Variants in SEC31A observed in about 807,000 individuals in gnomAD.
The protein encoded by SEC31A is protein transport protein Sec31A.
In SEC31A, 70 loss-of-function variants were observed where a neutral mutation model predicts 151.0. That is an observed-to-expected ratio of 0.46 (90% confidence interval 0.38 to 0.57). SEC31A has a LOEUF of 0.57. Among genes scored for constraint, SEC31A ranks in the 20% least tolerant of loss-of-function variants. The pLI is 0.00. For missense variants in SEC31A, 1,330 were observed against 1,471.2 expected (o/e 0.90, Z 1.57); for synonymous variants, 475 against 505.9 (o/e 0.94, Z 0.82).
At chr4:82,832,051 A>C (rs1328308113) in intron 22 of SEC31A, among the ~76,000 whole-genome samples, 2 of 152,212 alleles carry the variant, frequency 1.3e-5, no homozygotes, top group Non-Finnish European at 2.9e-5. Flanking sequence ...GAATTGGAAA[A>C]AACTACTTCA....
At chr4:82,874,318 T>C (rs1737447305) in intron 6 of SEC31A, among the ~76,000 whole-genome samples, 1 of 151,028 alleles carries the variant, frequency 6.6e-6, no homozygotes, top group Admixed American at 6.6e-5. Flanking sequence ...AAAAAAAAGT[T>C]GCTGCAATGT....
chr4:82,851,685 G>T, intron 18 of SEC31A, 81 bp from the exon 19 acceptor site: 1 of 1,249,376 alleles, frequency 8.0e-7, no homozygotes, highest in Non-Finnish European at 1.1e-6. Flanking sequence ...GAGTTACTAA[G>T]ATTTCTAAAA....
At chr4:82,875,670 TAGG>T in intron 5 of SEC31A, 54 bp downstream of exon 5, 1 of 947,332 alleles carries the variant, frequency 1.1e-6, no homozygotes. Flanking sequence ...TAAGTAGGTT[TAGG>T]AGAACTACTT....
In SEC31A at chr4:82,880,847, T is replaced by A. The variant is rs757908290; in HGVS notation, c.155A>T (p.Asp52Val). The A allele has an allele frequency of 6.2e-7, 1 of 1,612,930 alleles. No individual in the cohort carries two copies. Residue 52 changes from aspartate to valine, a missense_variant, in exon 3 of 27, where the codon GAT (aspartate) becomes GTT (valine). Physicochemically the swap from Asp to Val is radical, Grantham distance 152 (BLOSUM62 -3). Transcript: ENST00000395310. The part of the protein sequence containing the change: ...SLEIFELDLS[D>V]PSLDMKSCAT... ...ACAAGATTTCATATCCAAGGATGGATCAGAGAGGTCTAATTCAAATATCTC... is the reference window on the plus strand; with the variant it reads ...ACAAGATTTCATATCCAAGGATGGAACAGAGAGGTCTAATTCAAATATCTC...
intron 16 of SEC31A, 44 bp downstream of exon 16, chr4:82,856,908 T>C: frequency 6.7e-7 from 1 of 1,498,130 alleles, no homozygotes; most frequent in Non-Finnish European, 9.1e-7. Context: ...GTTTTTATAA[T>C]TAGAAAGATA....
intron 22 of SEC31A, among the ~76,000 whole-genome samples, chr4:82,839,426 C>T (rs1728236195): frequency 6.6e-6 from 1 of 152,190 alleles, no homozygotes; most frequent in Non-Finnish European, 1.5e-5. Flanking sequence ...GCTGGGATTA[C>T]AGGCATGAGC....
exon 1 of SEC31A, chr4:82,900,362 G>C (rs1372634241): frequency 5.2e-6 from 1 of 193,020 alleles, no homozygotes; most frequent in Non-Finnish European, 1.1e-5. Context: ...TCCAGTTTCA[G>C]AGACCGCACC....
At position 82,853,578 on chromosome 4, in the gene SEC31A, A is replaced by C; in HGVS notation, c.2146T>G (p.Ser716Ala). 2 of 1,578,016 alleles carry C rather than the reference A, an allele frequency of 1.3e-6. No individual in the cohort carries two copies. Among genetic ancestry groups the C allele is most frequent in the Non-Finnish European group, 1.7e-6 (2 of 1,170,440 alleles). Residue 716 changes from serine to alanine, a missense_variant, in exon 18 of 27, where the codon TCA becomes GCA. By Grantham distance (99) the Ser-to-Ala change is moderately conservative. Coordinates refer to ENST00000395310, the MANE Select transcript of SEC31A (RefSeq NM_001077207.4). Reference sequence around the variant, plus strand: ...TGTTTCAAAGATACTACCTGAAGTGACAAAGGGTGGCTTCCATCTTGAGCT... The same window carrying C: ...TGTTTCAAAGATACTACCTGAAGTGCCAAAGGGTGGCTTCCATCTTGAGCT... ...TKAQDGSHPL[S>A]LQDLIEKVVI...
At chr4:82,821,882 T>C (rs1723443800) in intron 25 of SEC31A, among the ~76,000 whole-genome samples, 1 of 152,198 alleles carries the variant, frequency 6.6e-6, no homozygotes, top group African/African-American at 2.4e-5. Context: ...CTTTCAAAAA[T>C]ACTACTTAAA....
intron 19 of SEC31A, among the ~76,000 whole-genome samples, chr4:82,849,395 A>G (rs1238066234): frequency 6.6e-6 from 1 of 152,168 alleles, no homozygotes; most frequent in Admixed American, 6.5e-5. Context: ...CAGGCAGATC[A>G]TGAGGTCAGG....
chr4:82,829,396 A>G (rs1228726870), intron 22 of SEC31A: 1 of 185,556 alleles, frequency 5.4e-6, no homozygotes, highest in East Asian at 1.3e-4. Flanking sequence ...ATGAAAATAC[A>G]AAGTCTGCTA....
chr4:82,843,621 A>C (rs148788336), intron 21 of SEC31A: 2 of 152,188 alleles, frequency 1.3e-5, no homozygotes, highest in African/African-American at 4.8e-5. Flanking sequence ...GAACAATAAC[A>C]TTCATTTTAG....
intron 3 of SEC31A, among the ~76,000 whole-genome samples, chr4:82,879,609 G>T (rs1738817687): frequency 6.6e-6 from 1 of 152,196 alleles, no homozygotes. Context: ...AAAACTACTA[G>T]ACAAAAGGTA....
rs1560638362 is a variant in SEC31A, at chr4:82,865,583, T to TATATATATAC, written c.1198-986_1198-985insGTATATATAT. Among the ~76,000 whole-genome samples, 18 of 99,718 alleles carry TATATATATAC rather than the reference T, an allele frequency of 1.8e-4. 1 individual carries two copies. Among genetic ancestry groups the TATATATATAC allele is most frequent in the Non-Finnish European group, 2.4e-4 (11 of 46,000 alleles). 65.4% of individuals were successfully genotyped at this position (99,718 alleles called of 152,430 possible). ...ATATATATATATATATATATATATA[T>TATATATATAC]ACAATGCAATATTATTTGGCCTCTA... is the stretch of plus-strand genomic sequence containing the variant. On this transcript the variant is annotated intron_variant, in intron 10 of 26. Coordinates refer to ENST00000395310, the MANE Select transcript of SEC31A (RefSeq NM_001077207.4).
intron 22 of SEC31A, among the ~76,000 whole-genome samples, chr4:82,834,376 T>C (rs977218610): frequency 6.6e-6 from 1 of 152,248 alleles, no homozygotes; most frequent in African/African-American, 2.4e-5. Context: ...TTTTAAGCTG[T>C]GGGTGTTAAA....
At position 82,858,016 on chromosome 4, in the gene SEC31A, G is replaced by A. The variant is rs1043862791; in HGVS notation, c.1627-252C>T. 102 of 295,918 alleles carry A rather than the reference G, an allele frequency of 3.4e-4. No homozygotes were observed. The Middle Eastern group carries it at 7.0e-3, about 20-fold the overall frequency. The allele number at this position is 295,918 out of a possible 1,614,324, so 18.3% of individuals were successfully genotyped here. On this transcript the variant is annotated intron_variant, in intron 14 of 26. Transcript: ENST00000395310. Reference sequence around the variant, plus strand: ...AAACAGGCTGGGCACAGTGGCTCACGTCTGTAATCTCAGCACTTTAGGAGG... The same window carrying A: ...AAACAGGCTGGGCACAGTGGCTCACATCTGTAATCTCAGCACTTTAGGAGG...
intron 22 of SEC31A, among the ~76,000 whole-genome samples, chr4:82,840,873 A>G (rs1728571213): frequency 6.6e-6 from 1 of 152,210 alleles, no homozygotes; most frequent in Non-Finnish European, 1.5e-5. Flanking sequence ...TGAACCTTAG[A>G]GGACTGGAAG....
Position 82,878,882 on chromosome 4 carries a change from C to T in SEC31A, c.250G>A (p.Asp84Asn). Residue 84 changes from aspartate to asparagine, a missense_variant, in exon 4 of 27, where the codon GAT becomes AAT. Asp to Asn is a conservative substitution (Grantham distance 23). Transcript: ENST00000395310. ...CCTGCAATCAGAACTCCAGAGACATCTCCTTTGGAATCCATTTTATAAGGC... is the reference window on the plus strand; with the variant it reads ...CCTGCAATCAGAACTCCAGAGACATTTCCTTTGGAATCCATTTTATAAGGC... ...WGPYKMDSKG[D>N]VSGVLIAGGE... 6.2e-7 allele frequency: 1 copy of T among 1,613,952 alleles called. No homozygotes were observed. Among genetic ancestry groups the T allele is most frequent in the South Asian group, 1.1e-5 (1 of 91,080 alleles).
At chr4:82,882,866 G>A (rs891775597) in intron 1 of SEC31A, among the ~76,000 whole-genome samples, 3 of 152,072 alleles carry the variant, frequency 2.0e-5, no homozygotes, top group Non-Finnish European at 4.4e-5. Flanking sequence ...GCTTGCAATC[G>A]CAGCACTTTG....
Sources: gnomAD v4.1 joint callset for allele counts (sites outside exome capture counted in the v4.1 genomes callset) on GRCh38, gnomAD v4.1.1 for gene constraint, MANE v1.5 for transcripts, NCBI Gene and HGNC (gene_info 2026-07-23, HGNC 2026-07-21) for gene names.